Variants in SIL1 observed in about 807,000 individuals in gnomAD.
SIL1 encodes the protein nucleotide exchange factor SIL1.
Under a neutral mutation model 49.1 loss-of-function variants are expected in SIL1, and 40 were observed. The observed-to-expected ratio is 0.81, with a 90% confidence interval of 0.63 to 1.06. SIL1 has a LOEUF of 1.06. Ranked by LOEUF, SIL1 falls within the 50% of genes least tolerant of loss-of-function variation. The probability of loss-of-function intolerance (pLI) is 0.00; values close to 1 mark genes in which losing one functional copy is unlikely to be tolerated. For missense variants in SIL1, 500 were observed against 572.6 expected, an observed-to-expected ratio of 0.87 and a Z score of 1.29; for synonymous variants, 253 against 250.8, an observed-to-expected ratio of 1.01 and a Z score of -0.08.
intron 7 of SIL1, among the ~76,000 whole-genome samples, chr5:139,005,102 C>A (rs1204238721): frequency 1.3e-5 from 2 of 152,018 alleles, no homozygotes; most frequent in Non-Finnish European, 1.5e-5. Flanking sequence ...ACATTGCATT[C>A]CTGAAAAATG....
rs1268841747 is a variant in SIL1, at chr5:139,050,806, A to T, written c.353+132T>A. ...GTAAACTTTCATAAAACCCTGACAG[A>T]TTTATCACAAATTCTATGCTATTAA... On this transcript the variant is annotated intron_variant, in intron 4 of 9. Coordinates refer to ENST00000394817, the MANE Select transcript of SIL1 (RefSeq NM_022464.5). 3.8e-6 allele frequency: 3 copies of T among 787,362 alleles called. No individual in the cohort carries two copies. In the Admixed American group the frequency reaches 6.4e-5, roughly 17 times the overall value. The allele number at this position is 787,362 out of a possible 1,614,324, so 48.8% of individuals were successfully genotyped here. A position where few individuals can be genotyped will look rare whatever the true frequency, so the allele number is the denominator to read the frequency against.
intron 1 of SIL1, among the ~76,000 whole-genome samples, chr5:139,148,958 C>A (rs1751245770): frequency 6.6e-6 from 1 of 152,206 alleles, no homozygotes; most frequent in African/African-American, 2.4e-5. Context: ...ACAGCCACTG[C>A]AGCCCCTGGT....
intron 3 of SIL1, among the ~76,000 whole-genome samples, chr5:139,074,574 G>A (rs570408503): frequency 1.3e-5 from 2 of 152,300 alleles, no homozygotes; most frequent in East Asian, 3.9e-4. Context: ...AAGATGCTGA[G>A]TTCAACCTCA....
At chr5:138,984,856 C>T (rs985393473) in intron 7 of SIL1, among the ~76,000 whole-genome samples, 1 of 152,182 alleles carries the variant, frequency 6.6e-6, no homozygotes, top group African/African-American at 2.4e-5. Context: ...GGCGATGCCT[C>T]TGATAAGAAC....
intron 5 of SIL1, among the ~76,000 whole-genome samples, chr5:139,036,589 T>C (rs1768915900): frequency 6.6e-6 from 1 of 152,164 alleles, no homozygotes; most frequent in Non-Finnish European, 1.5e-5. Context: ...AACAAACTAA[T>C]GCAGGAACAG....
chr5:139,184,869 C>T (rs1344381632), intron 1 of SIL1, among the ~76,000 whole-genome samples: 1 of 152,090 alleles, frequency 6.6e-6, no homozygotes, highest in Admixed American at 6.5e-5. Context: ...CAGTCTACAG[C>T]GACTGGGTCC....
chr5:139,195,135 T>G (rs1357251221), intron 1 of SIL1, among the ~76,000 whole-genome samples: 1 of 151,992 alleles, frequency 6.6e-6, no homozygotes, highest in Admixed American at 6.6e-5. Flanking sequence ...TTTCTCCATG[T>G]TGGTCAGGCT....
At chr5:139,180,503 C>A (rs1751964693) in intron 1 of SIL1, among the ~76,000 whole-genome samples, 1 of 151,822 alleles carries the variant, frequency 6.6e-6, no homozygotes, top group South Asian at 2.1e-4. Context: ...CACCCCTTTA[C>A]CACCACCTTC....
chr5:138,949,811 AAAAAAGAAAAAAGAAAAGAAAAG>A (rs1285256963), intron 9 of SIL1, among the ~76,000 whole-genome samples: 9 of 148,996 alleles, frequency 6.0e-5, no homozygotes, highest in Non-Finnish European at 1.3e-4. Flanking sequence ...AAAAAAAAAA[AAAAAAGAAAAAAGAAAAGAAAAG>A]AAAAAAGAAA....
chr5:138,999,833 G>C (rs571989288), intron 7 of SIL1, among the ~76,000 whole-genome samples: 2 of 152,256 alleles, frequency 1.3e-5, no homozygotes, highest in Admixed American at 1.3e-4. Context: ...AGCAGGTCAA[G>C]GCTGCAGTGC....
At chr5:139,188,186 T>C (rs1752108856) in intron 1 of SIL1, 1 of 152,118 alleles carries the variant, frequency 6.6e-6, no homozygotes, top group Non-Finnish European at 1.5e-5. Flanking sequence ...AAGCACAATA[T>C]ATAGGAAGAC....
intron 4 of SIL1, among the ~76,000 whole-genome samples, chr5:139,043,262 C>G (rs1769084901): frequency 6.6e-6 from 1 of 152,226 alleles, no homozygotes; most frequent in Admixed American, 6.5e-5. Flanking sequence ...CAGCCAGCTT[C>G]TCAGGAAGAA....
intron 5 of SIL1, among the ~76,000 whole-genome samples, chr5:139,031,224 T>C (rs1018346132): frequency 1.3e-5 from 2 of 152,184 alleles, no homozygotes; most frequent in Non-Finnish European, 2.9e-5. Flanking sequence ...ATGTTCTATG[T>C]TTCATTCTAG....
At chr5:139,005,440 TTTA>T (rs1377088091) in intron 7 of SIL1, among the ~76,000 whole-genome samples, 8 of 150,746 alleles carry the variant, frequency 5.3e-5, no homozygotes, top group Non-Finnish European at 1.2e-4. Flanking sequence ...TATTTATTTA[TTTA>T]TTTTTTCTTC....
At chr5:139,024,050 GAACTT>G (rs1313877434) in intron 6 of SIL1, among the ~76,000 whole-genome samples, 1 of 152,158 alleles carries the variant, frequency 6.6e-6, no homozygotes, top group East Asian at 1.9e-4. Flanking sequence ...GGAAAACAAA[GAACTT>G]TGTTGGGGCA....
intron 3 of SIL1, among the ~76,000 whole-genome samples, chr5:139,105,733 T>TC (rs1770691252): frequency 6.6e-6 from 1 of 152,162 alleles, no homozygotes; most frequent in Non-Finnish European, 1.5e-5. Flanking sequence ...TCGTGCACGC[T>TC]CCAACGGCCG....
intron 1 of SIL1, among the ~76,000 whole-genome samples, chr5:139,169,674 G>T (rs1751696391): frequency 6.6e-6 from 1 of 151,756 alleles, no homozygotes; most frequent in Non-Finnish European, 1.5e-5. Flanking sequence ...GTAGAGATGG[G>T]GTTTCACCAT....
chr5:139,143,320 C>T (rs1292290269), intron 1 of SIL1, among the ~76,000 whole-genome samples: 6,697 of 76,116 alleles, frequency 0.088, 275 homozygotes, highest in Middle Eastern at 0.13. Context: ...CACACACACA[C>T]ACACACACAC....
At chr5:139,190,344 A>G (rs1752145173) in intron 1 of SIL1, among the ~76,000 whole-genome samples, 1 of 152,226 alleles carries the variant, frequency 6.6e-6, no homozygotes, top group Non-Finnish European at 1.5e-5. Flanking sequence ...CCTCTGAGGT[A>G]AGAGCAAGAG....
Sources: allele counts gnomAD v4.1 joint callset (sites outside exome capture counted in the v4.1 genomes callset), GRCh38; gene constraint gnomAD v4.1.1; transcripts MANE v1.5; gene names NCBI Gene and HGNC (gene_info 2026-07-23, HGNC 2026-07-21).